RASGEF1C: variants seen among roughly 807,000 people sequenced by gnomAD.
RASGEF1C encodes ras-GEF domain-containing family member 1C.
In RASGEF1C, 27 loss-of-function variants were observed where a neutral mutation model predicts 58.1. The ratio of observed to expected loss-of-function variants is 0.46; its 90% CI spans 0.34 to 0.64. The LOEUF (loss-of-function observed/expected upper bound fraction) is 0.64, where lower values mean the gene tolerates loss of function less well. Ranked by LOEUF, RASGEF1C falls within the 30% of genes least tolerant of loss-of-function variation. RASGEF1C has a pLI of 0.01. For missense variants in RASGEF1C, 502 were observed against 605.1 expected (o/e 0.83, Z 1.79); for synonymous variants, 243 against 246.3 (o/e 0.99, Z 0.13).
At position 180,103,086 on chromosome 5, in the gene RASGEF1C, C is replaced by CT. The variant is rs776456040; in HGVS notation, c.1304-944dup. ...TCTTGATTTCTTTCATCAGCATTAA[C>CT]TTTTTTTTGAGACAGAAGTCTCGCT... On this transcript the variant is annotated intron_variant, in intron 12 of 13. Transcript: ENST00000361132. Among the ~76,000 whole-genome samples, 8 of 152,110 alleles carry CT rather than the reference C, an allele frequency of 5.3e-5. No homozygotes were observed. In the South Asian group the frequency reaches 8.3e-4, roughly 16 times the overall value.
chr5:180,154,434 T>C (rs1164358213), intron 1 of RASGEF1C, among the ~76,000 whole-genome samples: 1 of 152,210 alleles, frequency 6.6e-6, no homozygotes, highest in East Asian at 1.9e-4. Flanking sequence ...GTGTCTTTTG[T>C]TCTCATATGT....
chr5:180,179,881 G>A (rs1013344087), intron 1 of RASGEF1C, among the ~76,000 whole-genome samples: 6 of 152,236 alleles, frequency 3.9e-5, no homozygotes, highest in African/African-American at 1.4e-4. Context: ...AGTAAGAGGT[G>A]TCAGTTTCCT....
At chr5:180,138,805 C>G (rs545962530) in intron 1 of RASGEF1C, among the ~76,000 whole-genome samples, 16 of 152,332 alleles carry the variant, frequency 1.1e-4, no homozygotes, top group African/African-American at 3.6e-4. Context: ...CTCCAAATGC[C>G]TTCTCCAACT....
intron 1 of RASGEF1C, among the ~76,000 whole-genome samples, chr5:180,166,196 AG>A (rs1176801330): frequency 6.6e-6 from 1 of 152,200 alleles, no homozygotes; most frequent in African/African-American, 2.4e-5. Flanking sequence ...GTAGGCATTA[AG>A]TTTCATCCTC....
At chr5:180,121,010 C>T (rs181528687) in intron 7 of RASGEF1C, 50 bp downstream of exon 7, 102 of 1,412,580 alleles carry the variant, frequency 7.2e-5, no homozygotes, top group East Asian at 2.1e-4. Context: ...CTCCCAACTC[C>T]GGCCGCCTGG....
intron 11 of RASGEF1C, 54 bp from the exon 12 acceptor site, chr5:180,111,634 C>T (rs947373848): frequency 1.2e-6 from 2 of 1,607,928 alleles, no homozygotes; most frequent in Middle Eastern, 1.6e-4. Context: ...TGGAGGTCCC[C>T]ATGAGGGGGA....
rs531615532 is a variant in RASGEF1C, at chr5:180,158,378, C to G, written c.-6-20320G>C. On this transcript the variant is annotated intron_variant, in intron 1 of 13. Coordinates refer to ENST00000361132, the MANE Select transcript of RASGEF1C (RefSeq NM_175062.4). This position sits in a 1 kb window ranked among gnomAD's most constrained non-coding sequence, Gnocchi z 4.0. ...TTTAATGGAGCACATACTCTAGTAG[C>G]TTTTTGAGAAGAGGTGCTTAGGAAG... Among the ~76,000 whole-genome samples, 54 of 152,264 alleles carry G rather than the reference C, an allele frequency of 3.5e-4. No individual in the cohort carries two copies. Among genetic ancestry groups the G allele is most frequent in the Admixed American group, 1.5e-3 (23 of 15,292 alleles).
chr5:180,160,127 A>AG (rs879611430), intron 1 of RASGEF1C, among the ~76,000 whole-genome samples: 2 of 152,296 alleles, frequency 1.3e-5, no homozygotes, highest in Admixed American at 1.3e-4. Flanking sequence ...GTCTCTCTGG[A>AG]TGCCACTTCT....
chr5:180,201,620 A>T (rs1756396816), intron 1 of RASGEF1C, among the ~76,000 whole-genome samples: 2 of 152,218 alleles, frequency 1.3e-5, no homozygotes, highest in African/African-American at 4.8e-5. Flanking sequence ...AAAGGGAAAA[A>T]CCACACGCAA....
chr5:180,114,295 A>G, intron 11 of RASGEF1C, 151 bp downstream of exon 11: 2 of 603,682 alleles, frequency 3.3e-6, no homozygotes, highest in East Asian at 3.4e-5. Flanking sequence ...TCAGGGTGGG[A>G]GGACCCTGAT....
intron 13 of RASGEF1C, among the ~76,000 whole-genome samples, 174 bp downstream of exon 13, chr5:180,101,897 T>C (rs1765791363): frequency 6.6e-6 from 1 of 152,116 alleles, no homozygotes; most frequent in Non-Finnish European, 1.5e-5. Context: ...TGTGGCTTGA[T>C]CCCCACTGTG....
In RASGEF1C at chr5:180,113,097, G is replaced by A. The variant is rs1355379294; in HGVS notation, c.1179+1349C>T. 1.8e-5 allele frequency among the ~76,000 whole-genome samples: 2 copies of A among 110,700 alleles called. 1 individual carries two copies. Among genetic ancestry groups the A allele is most frequent in the African/African-American group, 6.6e-5 (2 of 30,106 alleles). The allele number at this position is 110,700 out of a possible 152,430, so 72.6% of individuals were successfully genotyped here. A position where few individuals can be genotyped will look rare whatever the true frequency, so the allele number is the denominator to read the frequency against. ...GGGACCGGGGATGGACAGAGGGACT[G>A]GGGATGGACGGAGGGACCGGGGATG... On this transcript the variant is annotated intron_variant, in intron 11 of 13. Coordinates refer to ENST00000361132, the MANE Select transcript of RASGEF1C (RefSeq NM_175062.4).
chr5:180,171,099 C>T (rs1767100884), intron 1 of RASGEF1C, among the ~76,000 whole-genome samples: 1 of 152,200 alleles, frequency 6.6e-6, no homozygotes. Flanking sequence ...CACCCCCATC[C>T]AGGCATCCTG....
intron 12 of RASGEF1C, among the ~76,000 whole-genome samples, chr5:180,105,136 T>C (rs1765855027): frequency 6.6e-6 from 1 of 152,222 alleles, no homozygotes; most frequent in East Asian, 1.9e-4. Context: ...CAGAATTTCA[T>C]GGATAAGTTT....
At chr5:180,206,912 AT>A (rs1756499127) in intron 1 of RASGEF1C, among the ~76,000 whole-genome samples, 1 of 152,252 alleles carries the variant, frequency 6.6e-6, no homozygotes, top group Non-Finnish European at 1.5e-5. Flanking sequence ...ACCAGAAAAT[AT>A]TTTAAATGGC....
intron 1 of RASGEF1C, among the ~76,000 whole-genome samples, chr5:180,157,970 A>T (rs1437994323): frequency 6.6e-6 from 1 of 152,204 alleles, no homozygotes; most frequent in Non-Finnish European, 1.5e-5. Context: ...GGTAATAATG[A>T]TGTAGCAATG....
chr5:180,115,961 TG>T (rs1192321748), intron 10 of RASGEF1C, among the ~76,000 whole-genome samples: 1 of 152,068 alleles, frequency 6.6e-6, no homozygotes, highest in African/African-American at 2.4e-5. Flanking sequence ...CGAACTGTGT[TG>T]GAACAGGGAG....
intron 1 of RASGEF1C, among the ~76,000 whole-genome samples, chr5:180,145,486 T>C (rs918400279): frequency 6.6e-6 from 1 of 152,358 alleles, no homozygotes; most frequent in East Asian, 1.9e-4. Flanking sequence ...TCCTTGACAA[T>C]GCTTGTTGTT....
intron 3 of RASGEF1C, 192 bp from the exon 4 acceptor site, chr5:180,136,707 G>A (rs1766484768): frequency 1.6e-6 from 1 of 606,780 alleles, no homozygotes; most frequent in Non-Finnish European, 2.8e-6. Flanking sequence ...CACATTTCTG[G>A]GCAGGGCCAT....
Sources: allele counts gnomAD v4.1 joint callset (sites outside exome capture counted in the v4.1 genomes callset), GRCh38; gene constraint gnomAD v4.1.1; non-coding constraint Gnocchi (gnomAD v3.1); transcripts MANE v1.5; gene names NCBI Gene and HGNC (gene_info 2026-07-23, HGNC 2026-07-21).